The following NOL10 variants were observed in gnomAD, a reference collection of about 807,000 sequenced individuals.
The protein encoded by NOL10 is nucleolar protein 10, also known as H_NH0074G24.1.
In NOL10, 58 loss-of-function variants were observed where a neutral mutation model predicts 103.5. The ratio of observed to expected loss-of-function variants is 0.56; its 90% CI spans 0.45 to 0.70. The LOEUF (loss-of-function observed/expected upper bound fraction) is 0.70. Among genes scored for constraint, NOL10 ranks in the 30% least tolerant of loss-of-function variants. The pLI, the probability that NOL10 is intolerant of heterozygous loss-of-function variation, is 0.00. For synonymous variants in NOL10, 287 were observed against 282.5 expected, an observed-to-expected ratio of 1.02 and a Z score of -0.16; for missense variants, 763 against 807.3, an observed-to-expected ratio of 0.95 and a Z score of 0.67.
intron 17 of NOL10, among the ~76,000 whole-genome samples, chr2:10,594,727 G>A (rs1052498579): frequency 9.2e-5 from 14 of 152,042 alleles, no homozygotes; most frequent in Non-Finnish European, 1.9e-4. Context: ...ATGGTGGCTC[G>A]TGCCTGTAAT....
chr2:10,688,202 C>T (rs1447101828), intron 1 of NOL10, among the ~76,000 whole-genome samples: 8 of 152,168 alleles, frequency 5.3e-5, no homozygotes, highest in Non-Finnish European at 7.3e-5. Context: ...CCCAAGCCAC[C>T]GAAGTCGCTC....
intron 13 of NOL10, among the ~76,000 whole-genome samples, chr2:10,639,250 G>T (rs946677102): frequency 1.6e-4 from 24 of 152,072 alleles, no homozygotes; most frequent in Non-Finnish European, 7.4e-5. Context: ...GTGAAATCCC[G>T]TCTCTACTAA....
intron 5 of NOL10, 146 bp from the exon 6 acceptor site, chr2:10,671,836 C>G (rs1006388602): frequency 2.2e-5 from 13 of 587,506 alleles, no homozygotes; most frequent in East Asian, 8.9e-5. Flanking sequence ...CACACACACT[C>G]CACTGGGATT....
At chr2:10,646,418 G>A (rs1442921002) in intron 12 of NOL10, among the ~76,000 whole-genome samples, 1 of 152,110 alleles carries the variant, frequency 6.6e-6, no homozygotes, top group African/African-American at 2.4e-5. Flanking sequence ...ATTCAGACTG[G>A]ACACAGCTAG....
chr2:10,649,641 A>G (rs1161491455), intron 12 of NOL10, among the ~76,000 whole-genome samples: 1 of 152,138 alleles, frequency 6.6e-6, no homozygotes, highest in Admixed American at 6.6e-5. Context: ...ATAATTAAAT[A>G]CTGTGGATAA....
intron 20 of NOL10, among the ~76,000 whole-genome samples, chr2:10,573,513 C>T (rs1287634429): frequency 2.6e-5 from 4 of 152,092 alleles, no homozygotes; most frequent in Non-Finnish European, 5.9e-5. Flanking sequence ...TTTCTACACA[C>T]CTAACAAAAC....
chr2:10,596,276 C>A (rs111755412), intron 17 of NOL10, among the ~76,000 whole-genome samples: 1 of 134,476 alleles, frequency 7.4e-6, no homozygotes, highest in Non-Finnish European at 1.6e-5. Flanking sequence ...GGGGCGGGCG[C>A]GAGGGAGTTT....
chr2:10,625,082 G>C (rs1327151614), intron 13 of NOL10, among the ~76,000 whole-genome samples: 1 of 152,190 alleles, frequency 6.6e-6, no homozygotes, highest in Admixed American at 6.5e-5. Flanking sequence ...CAAAACTAGA[G>C]ACAGTAAAAA....
At position 10,675,825 on chromosome 2, in the gene NOL10, G is replaced by T; in HGVS notation, c.258C>A (p.Ser86=). The stretch of plus-strand genomic sequence containing the variant: ...AATCTAAACACCTTTCAAACTTCAA[G>T]GATAATTGATAGGTGTCATAACATC... ...RVRCYDTYQL[S]LKFERCLDSE... The change falls in exon 4 of 21, where the codon TCC becomes TCA. Residue 86 remains serine, a synonymous_variant. Transcript: ENST00000381685. 6.3e-7 allele frequency: 1 copy of T among 1,579,148 alleles called. No homozygotes were observed. The highest frequency in any genetic ancestry group is 1.2e-5 in the South Asian group (1 of 85,574).
chr2:10,593,428 C>T (rs545615908), intron 17 of NOL10, among the ~76,000 whole-genome samples: 57 of 152,252 alleles, frequency 3.7e-4, no homozygotes, highest in Admixed American at 1.4e-3. Context: ...TGAGCCACTG[C>T]ACCCCGGCCA....
chr2:10,646,693 G>A (rs1679092566), intron 12 of NOL10, among the ~76,000 whole-genome samples: 1 of 152,212 alleles, frequency 6.6e-6, no homozygotes, highest in Admixed American at 6.5e-5. Flanking sequence ...CGCCAGGCAA[G>A]TCACATTCTC....
At chr2:10,633,801 G>C (rs886968601) in intron 13 of NOL10, among the ~76,000 whole-genome samples, 42 of 150,514 alleles carry the variant, frequency 2.8e-4, no homozygotes, top group African/African-American at 9.2e-4. Context: ...GTATGTGTGT[G>C]TGTGTGTGTG....
intron 17 of NOL10, among the ~76,000 whole-genome samples, chr2:10,591,393 G>A (rs926482513): frequency 6.6e-6 from 1 of 152,130 alleles, no homozygotes; most frequent in African/African-American, 2.4e-5. Flanking sequence ...TGCAGCATCA[G>A]GGAGGGGGCT....
At chr2:10,666,794 T>C (rs1475246796) in intron 8 of NOL10, among the ~76,000 whole-genome samples, 3 of 152,142 alleles carry the variant, frequency 2.0e-5, no homozygotes, top group African/African-American at 7.2e-5. Flanking sequence ...CATATGCATA[T>C]TGGCATATAG....
Position 10,670,214 on chromosome 2 carries a change from T to C in NOL10, c.464+1340A>G, listed in dbSNP as rs149572802. ...AGATATCACTCCTAAATGAGTCACA[T>C]GTAGGAATTATACCTTCACTTTCAG... On this transcript the variant is annotated intron_variant, in intron 6 of 20. Transcript: ENST00000381685. Among the ~76,000 whole-genome samples the C allele has an allele frequency of 3.1e-3, 473 of 152,266 alleles. 1 individual carries two copies. Among genetic ancestry groups the C allele is most frequent in the Non-Finnish European group, 5.4e-3 (370 of 68,012 alleles).
chr2:10,580,172 C>T (rs1194279824), intron 19 of NOL10, among the ~76,000 whole-genome samples: 1 of 152,190 alleles, frequency 6.6e-6, no homozygotes, highest in African/African-American at 2.4e-5. Context: ...CAGCCTGCTT[C>T]TTGAGTGTGA....
chr2:10,625,134 G>A (rs184704563), intron 13 of NOL10, among the ~76,000 whole-genome samples: 2 of 152,096 alleles, frequency 1.3e-5, no homozygotes, highest in African/African-American at 4.8e-5. Flanking sequence ...AGGAAGGGAT[G>A]AACAGGTGGA....
chr2:10,688,925 T>A (rs574325433), intron 1 of NOL10, among the ~76,000 whole-genome samples: 1 of 152,312 alleles, frequency 6.6e-6, no homozygotes, highest in South Asian at 2.1e-4. Context: ...AGCAGACGCA[T>A]GGAAGGAGAG....
chr2:10,643,917 G>A (rs892228589), intron 13 of NOL10, among the ~76,000 whole-genome samples: 1 of 152,132 alleles, frequency 6.6e-6, no homozygotes, highest in Non-Finnish European at 1.5e-5. Context: ...AATGTACACA[G>A]CCACATGTAG....
Sources: allele counts gnomAD v4.1 joint callset (sites outside exome capture counted in the v4.1 genomes callset), GRCh38; gene constraint gnomAD v4.1.1; transcripts MANE v1.5; gene names NCBI Gene and HGNC (gene_info 2026-07-23, HGNC 2026-07-21).